The following IFT57 variants were observed in gnomAD, a reference collection of about 807,000 sequenced individuals.
The protein encoded by IFT57 is intraflagellar transport 57.
A neutral mutation model predicts 56.8 loss-of-function variants in IFT57; 59 were observed. The ratio of observed to expected loss-of-function variants is 1.04; its 90% CI spans 0.84 to 1.29. The LOEUF is 1.29. IFT57 is among the 50% of genes most tolerant of loss of function. The probability of loss-of-function intolerance (pLI) is 0.00; values close to 1 mark genes in which losing one functional copy is unlikely to be tolerated. For missense variants in IFT57, 470 were observed against 522.1 expected (o/e 0.90, Z 0.97); for synonymous variants, 209 against 186.1 (o/e 1.12, Z -1.00).
At chr3:108,164,056 T>C (rs1467164053) in intron 9 of IFT57, among the ~76,000 whole-genome samples, 2 of 152,026 alleles carry the variant, frequency 1.3e-5, no homozygotes, top group African/African-American at 2.4e-5. Flanking sequence ...ACTTTGAAAT[T>C]CTCTAATAAC....
intron 9 of IFT57, among the ~76,000 whole-genome samples, chr3:108,165,184 A>C (rs1172676727): frequency 6.6e-6 from 1 of 152,130 alleles, no homozygotes; most frequent in Non-Finnish European, 1.5e-5. Flanking sequence ...GAGGAAAATT[A>C]TAAGTGTGCT....
chr3:108,220,653 A>G (rs1436119601), intron 1 of IFT57, among the ~76,000 whole-genome samples: 2 of 152,204 alleles, frequency 1.3e-5, no homozygotes, highest in Admixed American at 1.3e-4. Flanking sequence ...CTGTAAACCT[A>G]GGACAGTGGT....
At chr3:108,201,108 GA>G (rs2080276393) in intron 5 of IFT57, among the ~76,000 whole-genome samples, 1 of 152,148 alleles carries the variant, frequency 6.6e-6, no homozygotes. Context: ...CAGAGTCATA[GA>G]AGTTAATTAA....
chr3:108,198,736 C>T (rs987733588), intron 5 of IFT57, among the ~76,000 whole-genome samples: 9 of 152,106 alleles, frequency 5.9e-5, no homozygotes, highest in African/African-American at 1.4e-4. Flanking sequence ...TCACTGCACT[C>T]GGCCTCGTGT....
intron 9 of IFT57, 75 bp downstream of exon 9, chr3:108,165,356 T>C: frequency 8.5e-7 from 1 of 1,175,712 alleles, no homozygotes; most frequent in Admixed American, 1.7e-5. Flanking sequence ...TTAGCAGTGT[T>C]AAACCATTTG....
chr3:108,197,947 G>T (rs938686177), intron 5 of IFT57, among the ~76,000 whole-genome samples: 4 of 152,026 alleles, frequency 2.6e-5, no homozygotes, highest in Non-Finnish European at 5.9e-5. Context: ...TATTTAAAAG[G>T]CTTGCACAGT....
chr3:108,165,373 C>G, intron 9 of IFT57, 58 bp downstream of exon 9: 3 of 1,396,974 alleles, frequency 2.1e-6, no homozygotes, highest in Non-Finnish European at 3.1e-6. Context: ...TTTGTAGGTT[C>G]TCAATGGCTG....
rs139677905 is a variant in IFT57, at chr3:108,162,174, C to T, written c.*303G>A. 5 of 203,614 alleles carry T rather than the reference C, an allele frequency of 2.5e-5. No individual in the cohort carries two copies. Among genetic ancestry groups the T allele is most frequent in the South Asian group, 1.2e-4 (1 of 8,408 alleles). The allele number at this position is 203,614 out of a possible 1,614,324, so 12.6% of individuals were successfully genotyped here. A position where few individuals can be genotyped will look rare whatever the true frequency, so the allele number is the denominator to read the frequency against. ...TGACAGCAGCAGCATCTGCAGAAAA[C>T]GCAGGTCATATACCTTGGCTTACAC... On this transcript the variant is annotated 3_prime_UTR_variant, in exon 11 of 11. Transcript: ENST00000264538.
At chr3:108,219,619 A>T (rs201539862) in intron 1 of IFT57, 47 bp from the exon 2 acceptor site, 28 of 1,570,808 alleles carry the variant, frequency 1.8e-5, no homozygotes, top group Admixed American at 6.7e-5. Flanking sequence ...AATAATGCAA[A>T]TAAGTCTATA....
intron 6 of IFT57, among the ~76,000 whole-genome samples, chr3:108,177,554 CAAAA>C (rs2080130610): frequency 1.3e-5 from 2 of 150,784 alleles, no homozygotes; most frequent in African/African-American, 4.9e-5. Flanking sequence ...AGTTTAACAC[CAAAA>C]AAATCAATCA....
chr3:108,200,858 G>C (rs2080274916), intron 5 of IFT57, among the ~76,000 whole-genome samples: 1 of 152,144 alleles, frequency 6.6e-6, no homozygotes, highest in South Asian at 2.1e-4. Context: ...AAATACTCAT[G>C]ACAATCTAGG....
chr3:108,181,577 C>T (rs3828376), intron 6 of IFT57, among the ~76,000 whole-genome samples: 10,863 of 152,100 alleles, frequency 0.071, 1,209 homozygotes, highest in East Asian at 0.53. Flanking sequence ...GTATGTGTGT[C>T]TAGTTAATTT....
intron 5 of IFT57, among the ~76,000 whole-genome samples, chr3:108,202,253 A>C (rs973070484): frequency 8.5e-5 from 13 of 152,180 alleles, no homozygotes; most frequent in African/African-American, 3.1e-4. Flanking sequence ...TGAGTTTCAC[A>C]AGGGTGAAGG....
At position 108,165,508 on chromosome 3, in the gene IFT57, A is replaced by AT; in HGVS notation, c.982-16dup. On this transcript the variant is annotated splice_polypyrimidine_tract_variant and intron_variant, in intron 8 of 10. Transcript: ENST00000264538. ...CGCTCCTTTGCCTGAGAGGAAAAACATTTTGTTTAATGGCAAATTCAAAGC... is the reference window on the plus strand; with the variant it reads ...CGCTCCTTTGCCTGAGAGGAAAAACATTTTTGTTTAATGGCAAATTCAAAGC... 1 of 1,607,532 alleles carries AT rather than the reference A, an allele frequency of 6.2e-7. No individual in the cohort carries two copies. The highest frequency in any genetic ancestry group is 8.5e-7 in the Non-Finnish European group (1 of 1,174,520).
intron 6 of IFT57, among the ~76,000 whole-genome samples, chr3:108,184,517 C>CAA (rs147493630): frequency 2.6e-5 from 4 of 151,516 alleles, no homozygotes; most frequent in African/African-American, 7.3e-5. Context: ...CATAAATATA[C>CAA]AAAAAAAACT....
intron 5 of IFT57, among the ~76,000 whole-genome samples, chr3:108,191,941 C>CA (rs1267158797): frequency 6.6e-6 from 1 of 152,022 alleles, no homozygotes; most frequent in Admixed American, 6.6e-5. Flanking sequence ...AATGGACCAA[C>CA]AAGCCATTTA....
At chr3:108,214,148 T>C (rs770510012) in intron 3 of IFT57, 127 bp from the exon 4 acceptor site, 8 of 554,434 alleles carry the variant, frequency 1.4e-5, no homozygotes, top group Non-Finnish European at 2.5e-5. Context: ...ATAATCACTG[T>C]TAAATGTTTC....
intron 1 of IFT57, among the ~76,000 whole-genome samples, chr3:108,221,154 TTTCAA>T (rs2080403762): frequency 6.6e-6 from 1 of 152,318 alleles, no homozygotes; most frequent in African/African-American, 2.4e-5. Flanking sequence ...CCTACATATC[TTTCAA>T]TTCAAGTTAT....
intron 3 of IFT57, among the ~76,000 whole-genome samples, chr3:108,215,072 T>A (rs1309326563): frequency 6.6e-6 from 1 of 152,118 alleles, no homozygotes; most frequent in African/African-American, 2.4e-5. Flanking sequence ...TAAGAAGGAG[T>A]CCAGCTTTCT....
Sources: gnomAD v4.1 joint callset for allele counts (sites outside exome capture counted in the v4.1 genomes callset) on GRCh38, gnomAD v4.1.1 for gene constraint, MANE v1.5 for transcripts, NCBI Gene and HGNC (gene_info 2026-07-23, HGNC 2026-07-21) for gene names.